Variants in MIA2 observed in about 807,000 individuals in gnomAD.
MIA2 encodes the protein melanoma inhibitory activity protein 2.
A neutral mutation model predicts 167.8 loss-of-function variants in MIA2; 127 were observed. The observed-to-expected ratio is 0.76, with a 90% confidence interval of 0.66 to 0.88. The LOEUF (loss-of-function observed/expected upper bound fraction) is 0.88. Among genes scored for constraint, MIA2 ranks in the 40% least tolerant of loss-of-function variants. MIA2 has a pLI of 0.00. For missense variants in MIA2, 1,690 were observed against 1,624.7 expected (o/e 1.04, Z -0.69); for synonymous variants, 552 against 541.9 (o/e 1.02, Z -0.26).
At chr14:39,345,846 T>C in intron 25 of MIA2, 58 bp from the exon 26 acceptor site, 1 of 1,476,122 alleles carries the variant, frequency 6.8e-7, no homozygotes, top group Non-Finnish European at 9.3e-7. Context: ...ACGTTAAACT[T>C]AAGTAAACTT....
intron 9 of MIA2, among the ~76,000 whole-genome samples, chr14:39,285,479 C>G (rs1595042230): frequency 6.7e-6 from 1 of 148,448 alleles, no homozygotes; most frequent in South Asian, 2.1e-4. Flanking sequence ...GGGGCTGACC[C>G]CCCACCTCCC....
intron 6 of MIA2, among the ~76,000 whole-genome samples, chr14:39,274,641 G>C (rs570976833): frequency 6.6e-6 from 1 of 150,416 alleles, no homozygotes; most frequent in South Asian, 2.1e-4. Context: ...GGCCAGACTG[G>C]TCTCAAACTC....
intron 7 of MIA2, among the ~76,000 whole-genome samples, chr14:39,277,720 GTA>G (rs1179179595): frequency 0.11 from 206 of 1,834 alleles, 34 homozygotes; most frequent in East Asian, 0.32. Flanking sequence ...ATATATGTGT[GTA>G]TATATATATA....
chr14:39,294,439 C>T (rs902178315), intron 12 of MIA2, among the ~76,000 whole-genome samples: 26 of 151,242 alleles, frequency 1.7e-4, no homozygotes, highest in African/African-American at 4.1e-4. Flanking sequence ...CTCAAGTGAT[C>T]GGCCCACCTC....
In MIA2 at chr14:39,348,941, G is replaced by C. The variant is rs1060878; in HGVS notation, c.4036G>C (p.Gly1346Arg). 142 of 1,613,644 alleles carry C rather than the reference G, an allele frequency of 8.8e-5. No homozygotes were observed. The highest frequency in any genetic ancestry group is 1.1e-4 in the Non-Finnish European group (131 of 1,179,896). ...FGASRDYFPP[G>R]DFPGPPPAPF... Reference sequence around the variant, plus strand: ...AGCTTCTCGAGATTATTTTCCACCAGGGGATTTCCCAGGTCCACCACCTGC... The same window carrying C: ...AGCTTCTCGAGATTATTTTCCACCACGGGATTTCCCAGGTCCACCACCTGC... The change falls in exon 28 of 29, where the codon GGG (glycine) becomes CGG (arginine). Residue 1346 changes from glycine to arginine, a missense_variant. Transcript: ENST00000640607.
chr14:39,268,273 A>G (rs972585627), intron 6 of MIA2, among the ~76,000 whole-genome samples: 3 of 152,090 alleles, frequency 2.0e-5, no homozygotes, highest in Non-Finnish European at 4.4e-5. Context: ...AGTTACGATT[A>G]TGTTTTCTTG....
intron 9 of MIA2, among the ~76,000 whole-genome samples, chr14:39,283,151 C>T (rs2059182057): frequency 6.6e-6 from 1 of 152,108 alleles, no homozygotes; most frequent in Non-Finnish European, 1.5e-5. Context: ...TTGATAGATA[C>T]CTAGGTTGTC....
intron 21 of MIA2, among the ~76,000 whole-genome samples, chr14:39,317,615 GTGTCCTAGGCAC>G (rs994254165): frequency 2.0e-5 from 3 of 152,108 alleles, no homozygotes; most frequent in Non-Finnish European, 4.4e-5. Flanking sequence ...AAAATCTCTT[GTGTCCTAGGCAC>G]TGTACTTAAA....
intron 2 of MIA2, among the ~76,000 whole-genome samples, chr14:39,238,804 A>AC (rs1336026910): frequency 1.1e-5 from 1 of 91,472 alleles, no homozygotes; most frequent in African/African-American, 4.3e-5. Context: ...AAAAAAAAAA[A>AC]AAAAAAACCC....
rs534751350 is a variant in MIA2, at chr14:39,338,323, G to C, written c.3656-7581G>C. On this transcript the variant is annotated intron_variant, in intron 25 of 28. Transcript: ENST00000640607. ...AGTAAAGGGTGTGCAGGATCTCTCT[G>C]TAGTATTTTTGCATCTTTCTGTGAA... is the stretch of plus-strand genomic sequence containing the variant. Among the ~76,000 whole-genome samples the C allele has an allele frequency of 3.3e-5, 5 of 152,254 alleles. No individual in the cohort carries two copies. The East Asian group carries it at 9.6e-4, about 29-fold the overall frequency.
In MIA2 at chr14:39,288,446, TATATATATA is replaced by T. The variant is rs1566746353; in HGVS notation, c.2131-2572_2131-2564del. Among the ~76,000 whole-genome samples, 32 of 28,112 alleles carry T rather than the reference TATATATATA, an allele frequency of 1.1e-3. 6 individuals carry two copies. The highest frequency in any genetic ancestry group is 1.5e-3 in the Admixed American group (4 of 2,602). The allele number at this position is 28,112 out of a possible 152,430, so 18.4% of individuals were successfully genotyped here. A position where few individuals can be genotyped will look rare whatever the true frequency, so the allele number is the denominator to read the frequency against. ...TATATATTATACATATATATATATA[TATATATATA>T]TATATATATATATATATATATTTTT... On this transcript the variant is annotated intron_variant, in intron 9 of 28. Transcript: ENST00000640607.
chr14:39,377,542 A>C (rs533063453), intron 23 of MIA2, among the ~76,000 whole-genome samples: 1 of 152,208 alleles, frequency 6.6e-6, no homozygotes, highest in Non-Finnish European at 1.5e-5. Flanking sequence ...AAATTGTAGA[A>C]AATAATAAAA....
At position 39,279,676 on chromosome 14, in the gene MIA2, A is replaced by G. The variant is rs2152752798; in HGVS notation, c.2130+139A>G. 19 of 609,522 alleles carry G rather than the reference A, an allele frequency of 3.1e-5. No homozygotes were observed. In the South Asian group the frequency reaches 3.9e-4, roughly 13 times the overall value. The allele number at this position is 609,522 out of a possible 1,614,324, so 37.8% of individuals were successfully genotyped here. A position where few individuals can be genotyped will look rare whatever the true frequency, so the allele number is the denominator to read the frequency against. Reference sequence around the variant, plus strand: ...GAGTTCTCTTTGCTCTTCATATTCAACACTTAACCAGTCTTACTAATTTTA... The same window carrying G: ...GAGTTCTCTTTGCTCTTCATATTCAGCACTTAACCAGTCTTACTAATTTTA... On this transcript the variant is annotated intron_variant, in intron 9 of 28. Coordinates refer to ENST00000640607, the MANE Select transcript of MIA2 (RefSeq NM_001329214.4).
At chr14:39,278,257 C>G (rs1400822938) in intron 7 of MIA2, among the ~76,000 whole-genome samples, 5 of 152,136 alleles carry the variant, frequency 3.3e-5, no homozygotes, top group South Asian at 2.1e-4. Flanking sequence ...AATCACCACG[C>G]CTGGCCTAAT....
At chr14:39,354,971 G>A (rs1196841525), downstream of MIA2, among the ~76,000 whole-genome samples, 1 of 152,014 alleles carries the variant, frequency 6.6e-6, no homozygotes, top group Non-Finnish European at 1.5e-5. Context: ...TAGCCTTGTA[G>A]TATAGTTTGA....
intron 23 of MIA2, among the ~76,000 whole-genome samples, chr14:39,363,245 T>C (rs1348440262): frequency 1.3e-5 from 2 of 152,226 alleles, no homozygotes; most frequent in African/African-American, 4.8e-5. Flanking sequence ...GTCTAATGTT[T>C]CTGGCCAGGT....
At chr14:39,287,666 A>G (rs562616282) in intron 9 of MIA2, among the ~76,000 whole-genome samples, 2 of 151,734 alleles carry the variant, frequency 1.3e-5, no homozygotes, top group South Asian at 4.2e-4. Flanking sequence ...GGGTTCAAGC[A>G]ATTCTCCTGC....
chr14:39,337,334 A>G (rs1216453155), intron 25 of MIA2, among the ~76,000 whole-genome samples: 4 of 152,214 alleles, frequency 2.6e-5, no homozygotes, highest in Non-Finnish European at 5.9e-5. Flanking sequence ...TCCAGTTATA[A>G]TTGGAGACTT....
At chr14:39,386,534 C>T (rs1428756790) in intron 23 of MIA2, 19 of 1,338,512 alleles carry the variant, frequency 1.4e-5, no homozygotes, top group Non-Finnish European at 2.0e-5. Context: ...CACATTTCTC[C>T]TTTTTCTTTG....
Sources: allele counts gnomAD v4.1 joint callset (sites outside exome capture counted in the v4.1 genomes callset), GRCh38; gene constraint gnomAD v4.1.1; transcripts MANE v1.5; gene names NCBI Gene and HGNC (gene_info 2026-07-23, HGNC 2026-07-21).